The following SYTL5 variants were observed in gnomAD, a reference collection of about 807,000 sequenced individuals.
The protein encoded by SYTL5 is synaptotagmin-like protein 5.
SYTL5 carries 34 observed loss-of-function variants against 55.9 expected under a neutral mutation model. The ratio of observed to expected loss-of-function variants is 0.61; its 90% CI spans 0.46 to 0.81. The LOEUF (loss-of-function observed/expected upper bound fraction) is 0.81, where lower values mean the gene tolerates loss of function less well. SYTL5 is among the 30% of genes least tolerant of loss of function. The pLI, the probability that SYTL5 is intolerant of heterozygous loss-of-function variation, is 0.00. For missense variants in SYTL5, 637 were observed against 546.7 expected (o/e 1.17, Z -1.65); for synonymous variants, 221 against 188.7 (o/e 1.17, Z -1.40).
chrX:38,078,682 G>A (rs1936451559), intron 6 of SYTL5, among the ~76,000 whole-genome samples: 1 of 112,286 alleles, frequency 8.9e-6, no homozygotes, highest in Admixed American at 9.4e-5. Flanking sequence ...TCCAGTATCA[G>A]TGCTTATACC....
chrX:37,965,386 G>A, the SYTL5 span, among the ~76,000 whole-genome samples: 1 of 111,712 alleles, frequency 9.0e-6, no homozygotes, highest in African/African-American at 3.2e-5. Flanking sequence ...TCAAAAGTGT[G>A]TTATTTAGCT....
At chrX:38,035,236 C>T (rs1935068520) in intron 2 of SYTL5, among the ~76,000 whole-genome samples, 2 of 111,737 alleles carry the variant, frequency 1.8e-5, no homozygotes, top group African/African-American at 6.5e-5. Context: ...TTAATAATTT[C>T]AAAGAAATCA....
At chrX:37,991,027 A>G in the SYTL5 span, 4 of 1,211,848 alleles carry the variant, frequency 3.3e-6, no homozygotes, top group Non-Finnish European at 4.5e-6. Flanking sequence ...CTTGCTGACT[A>G]CATCATGGAG....
At chrX:37,962,910 T>C in the SYTL5 span, among the ~76,000 whole-genome samples, 39,842 of 110,521 alleles carry the variant, frequency 0.36, 5,203 homozygotes, top group East Asian at 0.6. Flanking sequence ...CTCCAAATAC[T>C]ATCAACATAC....
chrX:37,992,087 T>C, the SYTL5 span, among the ~76,000 whole-genome samples: 1 of 112,927 alleles, frequency 8.9e-6, no homozygotes, highest in Non-Finnish European at 1.9e-5. Flanking sequence ...CATTTTTAAA[T>C]TGAATACTTA....
intron 2 of SYTL5, among the ~76,000 whole-genome samples, chrX:38,037,486 G>T (rs1302844728): frequency 8.9e-6 from 1 of 111,994 alleles, no homozygotes; most frequent in Non-Finnish European, 1.9e-5. Context: ...TAATAAGTCT[G>T]CAAGGTGAGC....
chrX:37,934,632 T>C, the SYTL5 span, among the ~76,000 whole-genome samples: 2 of 106,736 alleles, frequency 1.9e-5, no homozygotes, highest in Admixed American at 9.9e-5. Flanking sequence ...AATATTTCTT[T>C]TTTTTTTCTT....
the SYTL5 span, among the ~76,000 whole-genome samples, chrX:37,900,293 T>C: frequency 3.6e-5 from 4 of 112,615 alleles, no homozygotes; most frequent in Non-Finnish European, 5.6e-5. Context: ...GGATACAGCA[T>C]TGAATAAAAC....
chrX:38,101,944 A>G (rs1937097598), intron 9 of SYTL5, among the ~76,000 whole-genome samples: 1 of 109,607 alleles, frequency 9.1e-6, no homozygotes, highest in South Asian at 3.9e-4. Context: ...GATTTTTGAG[A>G]TATGCTTTAC....
the SYTL5 span, among the ~76,000 whole-genome samples, chrX:37,977,700 T>TCACACACACA: frequency 3.6e-5 from 3 of 82,553 alleles, no homozygotes; most frequent in South Asian, 1.5e-3. Flanking sequence ...GGACCAATGA[T>TCACACACACA]CACACACACA....
chrX:37,921,124 G>A, the SYTL5 span, among the ~76,000 whole-genome samples: 8 of 111,193 alleles, frequency 7.2e-5, no homozygotes, highest in South Asian at 1.1e-3. Context: ...TTGTTTAATC[G>A]CCACAACAAC....
intron 14 of SYTL5, 137 bp downstream of exon 14, chrX:38,120,603 T>C: frequency 2.1e-6 from 1 of 480,009 alleles, no homozygotes; most frequent in Admixed American, 3.2e-5. Context: ...CACTGTCTTT[T>C]GGGGAGAGTT....
At chrX:38,016,979 G>A (rs1344831169) in intron 1 of SYTL5, among the ~76,000 whole-genome samples, 1 of 112,241 alleles carries the variant, frequency 8.9e-6, no homozygotes, top group Admixed American at 9.5e-5. Context: ...CTACTGCAGA[G>A]CATCCTCTTA....
At chrX:37,982,316 A>T in the SYTL5 span, among the ~76,000 whole-genome samples, 1 of 112,225 alleles carries the variant, frequency 8.9e-6, no homozygotes, top group African/African-American at 3.2e-5. Context: ...TGACTAGTAT[A>T]TTTGAATGGC....
the SYTL5 span, among the ~76,000 whole-genome samples, chrX:37,896,980 T>C: frequency 4.5e-5 from 5 of 111,845 alleles, no homozygotes; most frequent in African/African-American, 1.6e-4. Context: ...GGAGGGGCTG[T>C]TGAAATTTTA....
At chrX:37,977,979 C>T in the SYTL5 span, among the ~76,000 whole-genome samples, 1 of 111,119 alleles carries the variant, frequency 9.0e-6, no homozygotes, top group Non-Finnish European at 1.9e-5. Context: ...AAGAAGAAAA[C>T]GGAGTGTGGC....
chrX:38,044,745 T>C (rs1166901255), intron 2 of SYTL5, among the ~76,000 whole-genome samples: 1 of 112,107 alleles, frequency 8.9e-6, no homozygotes, highest in Non-Finnish European at 1.9e-5. Context: ...ATCATATTGA[T>C]AACAAGACTT....
At position 38,128,267 on chromosome X, in the gene SYTL5, T is replaced by C. The variant is rs1340231549; in HGVS notation, c.*1537T>C. 4.5e-5 allele frequency: 5 copies of C among 111,966 alleles called. No individual in the cohort carries two copies. The highest frequency in any genetic ancestry group is 7.5e-5 in the Non-Finnish European group (4 of 53,190). 9.2% of individuals were successfully genotyped at this position (111,966 alleles called of 1,213,427 possible). Reference sequence around the variant, plus strand: ...TAAATCTGGACTTAAATCCAGACTATCAATCTTAGGCCAGTGTTCTTTTTT... The same window carrying C: ...TAAATCTGGACTTAAATCCAGACTACCAATCTTAGGCCAGTGTTCTTTTTT... On this transcript the variant is annotated 3_prime_UTR_variant, in exon 17 of 17. Coordinates refer to ENST00000297875, the MANE Select transcript of SYTL5 (RefSeq NM_138780.3).
chrX:38,120,226 A>G, intron 13 of SYTL5, 132 bp from the exon 14 acceptor site: 1 of 470,057 alleles, frequency 2.1e-6, no homozygotes, highest in Admixed American at 3.2e-5. Flanking sequence ...AACCAGTGAG[A>G]GCGAACAGAG....
Sources: gnomAD v4.1 joint callset for allele counts (sites outside exome capture counted in the v4.1 genomes callset) on GRCh38, gnomAD v4.1.1 for gene constraint, MANE v1.5 for transcripts, NCBI Gene and HGNC (gene_info 2026-07-23, HGNC 2026-07-21) for gene names.